The following SPTBN4 variants were observed in gnomAD, a reference collection of about 807,000 sequenced individuals.
SPTBN4 encodes the protein spectrin beta chain, non-erythrocytic 4.
SPTBN4 carries 96 observed loss-of-function variants against 277.8 expected under a neutral mutation model. That is an observed-to-expected ratio of 0.35 (90% CI 0.29 to 0.41). SPTBN4 has a LOEUF of 0.41. SPTBN4 is among the 10% of genes least tolerant of loss of function. SPTBN4 has a pLI of 1.00. For synonymous variants in SPTBN4, 1,481 were observed against 1,580.3 expected (o/e 0.94, Z 1.49); for missense variants, 3,006 against 3,595.7 (o/e 0.84, Z 4.19).
At chr19:40,534,425 A>C in intron 20 of SPTBN4, 82 bp downstream of exon 20, 11 of 1,503,082 alleles carry the variant, frequency 7.3e-6, no homozygotes, top group Non-Finnish European at 9.9e-6. Flanking sequence ...AAGGTATGTC[A>C]AGTGGAGGGG....
intron 17 of SPTBN4, among the ~76,000 whole-genome samples, chr19:40,526,685 A>G (rs2080596663): frequency 6.6e-6 from 1 of 152,144 alleles, no homozygotes; most frequent in African/African-American, 2.4e-5. Context: ...CCTGGGCTCA[A>G]ACAATCCTCC....
In SPTBN4 at chr19:40,575,571, T is replaced by A; in HGVS notation, c.*2T>A. On this transcript the variant is annotated 3_prime_UTR_variant, in exon 36 of 36. Coordinates refer to ENST00000598249, the MANE Select transcript of SPTBN4 (RefSeq NM_020971.3). Reference sequence around the variant, plus strand: ...AGGGCCAGCGGGCGCAGGAAGTGACTTCCCACCCCCAGGACCTGACACATC... The same window carrying A: ...AGGGCCAGCGGGCGCAGGAAGTGACATCCCACCCCCAGGACCTGACACATC... 6.2e-7 allele frequency: 1 copy of A among 1,607,878 alleles called. No individual in the cohort carries two copies. The highest frequency in any genetic ancestry group is 1.7e-5 in the Admixed American group (1 of 59,644).
rs903886579 is a variant in SPTBN4 at position 40,571,449 on chromosome 19, A to G, written c.7320-570A>G. On this transcript the variant is annotated intron_variant, in intron 33 of 35. Coordinates refer to ENST00000598249, the MANE Select transcript of SPTBN4 (RefSeq NM_020971.3). Reference sequence around the variant, plus strand: ...GAATCTGGGGACAAGTGGAGCCAAAAAGGGGTATCACCGGCCAGTAATGGA... The same window carrying G: ...GAATCTGGGGACAAGTGGAGCCAAAGAGGGGTATCACCGGCCAGTAATGGA... 3 of 152,530 alleles carry G rather than the reference A, an allele frequency of 2.0e-5. No homozygotes were observed. In the East Asian group the frequency reaches 5.8e-4, roughly 29 times the overall value. The allele number at this position is 152,530 out of a possible 1,614,324, so 9.4% of individuals were successfully genotyped here.
At chr19:40,574,768 A>G (rs924588956) in intron 35 of SPTBN4, among the ~76,000 whole-genome samples, 2 of 152,136 alleles carry the variant, frequency 1.3e-5, no homozygotes, top group Admixed American at 1.3e-4. Context: ...TAATTCCAGC[A>G]CTTTGGGAGG....
At chr19:40,488,683 G>A (rs2080101247) in intron 3 of SPTBN4, among the ~76,000 whole-genome samples, 1 of 152,256 alleles carries the variant, frequency 6.6e-6, no homozygotes, top group South Asian at 2.1e-4. Context: ...GGTGGCGCAG[G>A]CCTGTAGTCC....
intron 2 of SPTBN4, 52 bp downstream of exon 2, chr19:40,472,842 G>T: frequency 6.9e-7 from 1 of 1,452,276 alleles, no homozygotes; most frequent in Non-Finnish European, 9.3e-7. Context: ...AGGGGGAAGG[G>T]TGCCCGAGAA....
At chr19:40,574,630 G>A (rs1326572192) in intron 35 of SPTBN4, among the ~76,000 whole-genome samples, 1 of 152,096 alleles carries the variant, frequency 6.6e-6, no homozygotes, top group Non-Finnish European at 1.5e-5. Context: ...CCAAAGTGCT[G>A]GGATTACAGG....
intron 20 of SPTBN4, among the ~76,000 whole-genome samples, chr19:40,538,429 C>A (rs958696018): frequency 6.6e-6 from 1 of 151,838 alleles, no homozygotes; most frequent in Non-Finnish European, 1.5e-5. Context: ...AGAACGGCAG[C>A]CAGACCATGG....
chr19:40,504,151 GGA>G lies in SPTBN4; in HGVS notation c.1665+20_1665+21del. On this transcript the variant is annotated intron_variant, in intron 12 of 35. Coordinates refer to ENST00000598249, the MANE Select transcript of SPTBN4 (RefSeq NM_020971.3). ...GATGCAGGTGCCGGCGGGGGGGCGG[GGA>G]TGCGGGTGGAGTGCCAGGAGGGAGG... The G allele has an allele frequency of 1.0e-6, 1 of 969,678 alleles. No individual in the cohort carries two copies. Among genetic ancestry groups the G allele is most frequent in the Non-Finnish European group, 1.6e-6 (1 of 639,102 alleles). The allele number at this position is 969,678 out of a possible 1,614,324, so 60.1% of individuals were successfully genotyped here.
chr19:40,557,547 A>G (rs544509105), intron 26 of SPTBN4, 144 bp downstream of exon 26: 584 of 971,984 alleles, frequency 6.0e-4, no homozygotes, highest in Non-Finnish European at 8.0e-4. Context: ...AAGAAATTAG[A>G]TAATGGAGCA....
chr19:40,533,470 C>A (rs1470516721), intron 19 of SPTBN4, among the ~76,000 whole-genome samples: 5 of 152,140 alleles, frequency 3.3e-5, no homozygotes, highest in Non-Finnish European at 7.3e-5. Flanking sequence ...GAACTTCCCC[C>A]TCCTCTGGCT....
At position 40,532,451 on chromosome 19, in the gene SPTBN4, C is replaced by A. The variant is rs369119805; in HGVS notation, c.3949-174C>A. ...TCCTCTATCCAGGAAAGAGCTTGAG[C>A]TGCACCCACCCCCAATATAAAGGCC... On this transcript the variant is annotated intron_variant, in intron 18 of 35. Coordinates refer to ENST00000598249, the MANE Select transcript of SPTBN4 (RefSeq NM_020971.3). Among the ~76,000 whole-genome samples, 151 of 152,140 alleles carry A rather than the reference C, an allele frequency of 9.9e-4. 2 individuals carry two copies. The highest frequency in any genetic ancestry group is 3.5e-3 in the African/African-American group (145 of 41,484).
intron 35 of SPTBN4, among the ~76,000 whole-genome samples, chr19:40,574,736 C>G (rs1462205969): frequency 2.0e-5 from 3 of 152,128 alleles, no homozygotes; most frequent in Non-Finnish European, 2.9e-5. Flanking sequence ...GTTTCTTGGC[C>G]TGGCATGGTG....
intron 27 of SPTBN4, 127 bp from the exon 28 acceptor site, chr19:40,565,296 G>T: frequency 1.8e-6 from 2 of 1,111,822 alleles, no homozygotes; most frequent in Non-Finnish European, 2.6e-6. Context: ...GAAAAGAAAA[G>T]AAAGTAAGTG....
At position 40,513,053 on chromosome 19, in the gene SPTBN4, G is replaced by T. The variant is rs1236593596; in HGVS notation, c.2264G>T (p.Trp755Leu). 9 of 1,422,656 alleles carry T rather than the reference G, an allele frequency of 6.3e-6. No individual in the cohort carries two copies. The highest frequency in any genetic ancestry group is 8.2e-6 in the Non-Finnish European group (9 of 1,095,626). 88.1% of individuals were successfully genotyped at this position (1,422,656 alleles called of 1,614,324 possible). ...CGCGCGGCGAGCGCCCGGCGCCGCT[G>T]GCAGAGGCTGGAAGAGGCGGCGGCG... ...AERAASARRR[W>L]QRLEEAAARR... Residue 755 changes from tryptophan (W) to leucine (L), a missense_variant, in exon 14 of 36, where the codon TGG becomes TTG. By Grantham distance (61) the Trp-to-Leu change is moderately conservative. Transcript: ENST00000598249.
intron 6 of SPTBN4, 81 bp downstream of exon 6, chr19:40,495,058 T>C (rs1599729334): frequency 4.5e-6 from 6 of 1,331,402 alleles, no homozygotes; most frequent in East Asian, 4.6e-5. Flanking sequence ...CATGTACTTG[T>C]GTAGATGGCA....
intron 27 of SPTBN4, among the ~76,000 whole-genome samples, chr19:40,561,104 C>T (rs1357914716): frequency 6.6e-6 from 1 of 152,168 alleles, no homozygotes; most frequent in African/African-American, 2.4e-5. Context: ...ACCTCCGTCT[C>T]CCAGGTTCAA....
chr19:40,534,408 C>G (rs2080712281), intron 20 of SPTBN4, 65 bp downstream of exon 20: 1 of 1,562,238 alleles, frequency 6.4e-7, no homozygotes, highest in African/African-American at 1.4e-5. Context: ...AGGGTCCAAC[C>G]CCACTCAAGG....
chr19:40,527,400 C>T (rs1471026347), intron 17 of SPTBN4, among the ~76,000 whole-genome samples: 1 of 152,068 alleles, frequency 6.6e-6, no homozygotes, highest in Non-Finnish European at 1.5e-5. Flanking sequence ...CATCTATGAA[C>T]AAAACAGACA....
Sources: allele counts gnomAD v4.1 joint callset (sites outside exome capture counted in the v4.1 genomes callset), GRCh38; gene constraint gnomAD v4.1.1; transcripts MANE v1.5; gene names NCBI Gene and HGNC (gene_info 2026-07-23, HGNC 2026-07-21).